SNTG1: variants seen among roughly 807,000 people sequenced by gnomAD.
The protein encoded by SNTG1 is syntrophin gamma 1.
In SNTG1, 39 loss-of-function variants were observed where a neutral mutation model predicts 74.7. The ratio of observed to expected loss-of-function variants is 0.52; its 90% CI spans 0.40 to 0.68. SNTG1 has a LOEUF of 0.68. SNTG1 is among the 30% of genes least tolerant of loss of function. SNTG1 has a pLI of 0.00. For synonymous variants in SNTG1, 254 were observed against 217.1 expected (o/e 1.17, Z -1.49); for missense variants, 685 against 609.5 (o/e 1.12, Z -1.30).
intron 17 of SNTG1, among the ~76,000 whole-genome samples, chr8:50,736,475 G>C (rs1035805305): frequency 2.0e-5 from 3 of 151,884 alleles, no homozygotes; most frequent in African/African-American, 4.8e-5. Flanking sequence ...CACAGTAAGA[G>C]TGGAATATTT....
At chr8:50,631,750 G>A (rs1563670893) in intron 13 of SNTG1, among the ~76,000 whole-genome samples, 1 of 152,122 alleles carries the variant, frequency 6.6e-6, no homozygotes, top group Non-Finnish European at 1.5e-5. Context: ...AGAGAAATGT[G>A]ATTTGTTCTA....
rs542428493 is a variant in SNTG1 at position 50,688,845 on chromosome 8, G to A, written c.1039-15755G>A. ...GGCATTGAATCTATAAATTACCTTGGACAGTATGGCCATTTTCACGATATT... is the reference window on the plus strand; with the variant it reads ...GGCATTGAATCTATAAATTACCTTGAACAGTATGGCCATTTTCACGATATT... On this transcript the variant is annotated intron_variant, in intron 15 of 18. Transcript: ENST00000642720. 4.9e-4 allele frequency among the ~76,000 whole-genome samples: 74 copies of A among 151,704 alleles called. No homozygotes were observed. The East Asian group carries it at 0.014, about 28-fold the overall frequency.
At chr8:50,573,796 TATTTA>T (rs2094561950) in intron 12 of SNTG1, among the ~76,000 whole-genome samples, 2 of 151,946 alleles carry the variant, frequency 1.3e-5, no homozygotes, top group South Asian at 2.1e-4. Context: ...AAAAAGTTTC[TATTTA>T]ATTTAACTGA....
rs182418639 is a variant in SNTG1, at chr8:50,184,227, G to A, written c.-28+11592G>A. On this transcript the variant is annotated intron_variant, in intron 2 of 18. Coordinates refer to ENST00000642720, the MANE Select transcript of SNTG1 (RefSeq NM_018967.5). Reference sequence around the variant, plus strand: ...GTCGCCCAGGCTGGACTTCAGTGGTGTGATCTCGGCTCACTGCAACCTCCG... The same window carrying A: ...GTCGCCCAGGCTGGACTTCAGTGGTATGATCTCGGCTCACTGCAACCTCCG... Among the ~76,000 whole-genome samples, 9 of 152,168 alleles carry A rather than the reference G, an allele frequency of 5.9e-5. No individual in the cohort carries two copies. In the East Asian group the frequency reaches 1.5e-3, roughly 26 times the overall value.
At chr8:50,644,873 A>G (rs928460142) in intron 13 of SNTG1, among the ~76,000 whole-genome samples, 6 of 150,758 alleles carry the variant, frequency 4.0e-5, no homozygotes, top group Non-Finnish European at 7.4e-5. Context: ...TTTTGTAGGC[A>G]TTTTGGACTG....
chr8:50,155,745 A>C (rs1402635460), intron 1 of SNTG1, among the ~76,000 whole-genome samples: 2 of 152,026 alleles, frequency 1.3e-5, no homozygotes, highest in Admixed American at 1.3e-4. Flanking sequence ...CTTTCACTCT[A>C]TAGGGCCATC....
chr8:50,381,600 A>G lies in SNTG1; in HGVS notation c.-27-12612A>G, dbSNP rs1311627756. Among the ~76,000 whole-genome samples the G allele has an allele frequency of 1.3e-4, 19 of 141,106 alleles. 1 individual carries two copies. The highest frequency in any genetic ancestry group is 2.0e-4 in the East Asian group (1 of 5,004). The allele number at this position is 141,106 out of a possible 152,430, so 92.6% of individuals were successfully genotyped here. On this transcript the variant is annotated intron_variant, in intron 2 of 18. Transcript: ENST00000642720. ...TGTGTGTGTGTGTGTGTGTATATATATATATATCTCCTATTAGTTATATAT... is the reference window on the plus strand; with the variant it reads ...TGTGTGTGTGTGTGTGTGTATATATGTATATATCTCCTATTAGTTATATAT...
At chr8:50,399,077 T>C (rs2092766916) in intron 3 of SNTG1, among the ~76,000 whole-genome samples, 1 of 152,234 alleles carries the variant, frequency 6.6e-6, no homozygotes, top group African/African-American at 2.4e-5. Context: ...TGTATTTCCA[T>C]GTGCACCAGC....
chr8:49,950,091 C>T (rs1413177355), intron 1 of SNTG1, among the ~76,000 whole-genome samples: 1 of 152,146 alleles, frequency 6.6e-6, no homozygotes, highest in Non-Finnish European at 1.5e-5. Context: ...CATGCCACCA[C>T]ACTCCAGTCT....
At chr8:50,790,010 G>A (rs1020045550) in intron 18 of SNTG1, among the ~76,000 whole-genome samples, 9 of 151,956 alleles carry the variant, frequency 5.9e-5, no homozygotes, top group Non-Finnish European at 1.3e-4. Flanking sequence ...TCTTGTGTCT[G>A]GAATATTTCC....
chr8:50,596,069 T>A (rs2094725194), intron 13 of SNTG1, among the ~76,000 whole-genome samples: 1 of 152,024 alleles, frequency 6.6e-6, no homozygotes, highest in Non-Finnish European at 1.5e-5. Flanking sequence ...CGAAGGGTTT[T>A]ACATTTCACA....
intron 18 of SNTG1, among the ~76,000 whole-genome samples, chr8:50,787,872 A>G (rs763173012): frequency 2.6e-5 from 4 of 152,088 alleles, no homozygotes; most frequent in African/African-American, 4.8e-5. Flanking sequence ...TGTACTGGGT[A>G]TAGGATATAT....
At chr8:50,047,482 G>A (rs1819195249) in intron 1 of SNTG1, among the ~76,000 whole-genome samples, 1 of 151,990 alleles carries the variant, frequency 6.6e-6, no homozygotes, top group Non-Finnish European at 1.5e-5. Flanking sequence ...TTAGATCCAA[G>A]GAAGGACTCA....
intron 1 of SNTG1, among the ~76,000 whole-genome samples, chr8:50,044,139 A>T (rs1229388292): frequency 1.3e-5 from 2 of 152,256 alleles, no homozygotes; most frequent in Non-Finnish European, 2.9e-5. Flanking sequence ...TTAAACTCAC[A>T]GAAGTCCCTA....
chr8:50,661,468 C>T (rs982465311), intron 15 of SNTG1, among the ~76,000 whole-genome samples: 2 of 152,076 alleles, frequency 1.3e-5, no homozygotes, highest in Non-Finnish European at 2.9e-5. Flanking sequence ...ACATTCTGAC[C>T]AAATTAAAAT....
intron 8 of SNTG1, among the ~76,000 whole-genome samples, chr8:50,496,517 C>T (rs1321909493): frequency 2.6e-5 from 4 of 152,008 alleles, no homozygotes; most frequent in Non-Finnish European, 5.9e-5. Context: ...ATCTCATAGA[C>T]GTTAGAATGG....
intron 9 of SNTG1, among the ~76,000 whole-genome samples, chr8:50,506,762 T>C (rs1373938125): frequency 6.6e-6 from 1 of 152,060 alleles, no homozygotes. Context: ...CAAACAAAGA[T>C]AATTTTACTT....
At chr8:50,271,556 A>T (rs1005094929) in intron 2 of SNTG1, among the ~76,000 whole-genome samples, 2 of 152,176 alleles carry the variant, frequency 1.3e-5, no homozygotes, top group African/African-American at 2.4e-5. Context: ...TTTCATATCT[A>T]TATAGATTTC....
intron 2 of SNTG1, among the ~76,000 whole-genome samples, chr8:50,203,713 A>T (rs939167222): frequency 2.0e-5 from 3 of 151,960 alleles, no homozygotes; most frequent in African/African-American, 4.8e-5. Flanking sequence ...CATCCATTGT[A>T]CTATTATTGT....
Sources: allele counts gnomAD v4.1 joint callset (sites outside exome capture counted in the v4.1 genomes callset), GRCh38; gene constraint gnomAD v4.1.1; transcripts MANE v1.5; gene names NCBI Gene and HGNC (gene_info 2026-07-23, HGNC 2026-07-21).